NBAS: variants seen among roughly 807,000 people sequenced by gnomAD.
NBAS encodes NBAS subunit of NRZ tethering complex.
A neutral mutation model predicts 302.5 loss-of-function variants in NBAS; 219 were observed. The ratio of observed to expected loss-of-function variants is 0.72; its 90% confidence interval spans 0.65 to 0.81. The LOEUF (loss-of-function observed/expected upper bound fraction) is 0.81. Among genes scored for constraint, NBAS ranks in the 30% least tolerant of loss-of-function variants. The pLI is 0.00. For missense variants in NBAS, 2,932 were observed against 2,841.6 expected (o/e 1.03, Z -0.72); for synonymous variants, 1,118 against 1,021.6 (o/e 1.09, Z -1.80).
chr2:15,266,177 T>A (rs894626986), intron 44 of NBAS, among the ~76,000 whole-genome samples: 2 of 152,204 alleles, frequency 1.3e-5, no homozygotes, highest in Non-Finnish European at 2.9e-5. Flanking sequence ...TCCTCCATGA[T>A]TGTAAGTTTC....
At chr2:15,058,371 C>A in the NBAS span, among the ~76,000 whole-genome samples, 1 of 152,262 alleles carries the variant, frequency 6.6e-6, no homozygotes, top group Non-Finnish European at 1.5e-5. Flanking sequence ...ATTGTCCAGT[C>A]CAAATTGGTG....
intron 25 of NBAS, among the ~76,000 whole-genome samples, chr2:15,409,949 A>G (rs1036217087): frequency 2.6e-5 from 4 of 152,194 alleles, no homozygotes; most frequent in Non-Finnish European, 5.9e-5. Flanking sequence ...CAGTTTTATC[A>G]CAGGTCACAG....
intron 21 of NBAS, among the ~76,000 whole-genome samples, chr2:15,429,080 A>G (rs971094784): frequency 7.3e-5 from 11 of 150,220 alleles, no homozygotes; most frequent in Admixed American, 2.0e-4. Flanking sequence ...AAGCAAGGTA[A>G]ACACAGTATG....
chr2:14,828,650 T>A, the NBAS span, among the ~76,000 whole-genome samples: 1 of 152,090 alleles, frequency 6.6e-6, no homozygotes, highest in Non-Finnish European at 1.5e-5. Context: ...AACAAGGTGA[T>A]GAGTTGGGAG....
At chr2:15,552,027 A>G (rs1051752765) in intron 5 of NBAS, among the ~76,000 whole-genome samples, 1 of 152,234 alleles carries the variant, frequency 6.6e-6, no homozygotes, top group African/African-American at 2.4e-5. Flanking sequence ...CCTATTTTAA[A>G]TCTGTGATCC....
chr2:15,517,663 C>G (rs547913517), intron 9 of NBAS, among the ~76,000 whole-genome samples: 1 of 151,108 alleles, frequency 6.6e-6, no homozygotes, highest in African/African-American at 2.5e-5. Flanking sequence ...ATCAATAAAC[C>G]TATTGTAAAT....
chr2:15,393,760 C>G (rs9710962), intron 28 of NBAS: 1 of 467,934 alleles, frequency 2.1e-6, no homozygotes, highest in Non-Finnish European at 4.4e-6. Flanking sequence ...AATACCATTC[C>G]GCAAACAAAA....
Position 15,387,158 on chromosome 2 carries a change from C to T in NBAS, c.3258-3841G>A, listed in dbSNP as rs1675340988. On this transcript the variant is annotated intron_variant, in intron 28 of 51. Transcript: ENST00000281513. The stretch of plus-strand genomic sequence containing the variant: ...TCTCAGCTCATTGCAAGCTCTGCCT[C>T]CCGGGTTCACGCCATTCTCCTGCCT... 1.3e-5 allele frequency among the ~76,000 whole-genome samples: 2 copies of T among 150,562 alleles called. 1 individual carries two copies. The highest frequency in any genetic ancestry group is 2.9e-5 in the Non-Finnish European group (2 of 67,898).
chr2:15,295,819 C>T (rs1052536439), intron 40 of NBAS, among the ~76,000 whole-genome samples: 12 of 152,090 alleles, frequency 7.9e-5, no homozygotes, highest in Admixed American at 5.9e-4. Context: ...GTTGATATTG[C>T]AGCTTCCCCA....
At chr2:15,219,126 C>A (rs1329736654) in intron 47 of NBAS, among the ~76,000 whole-genome samples, 158 bp from the exon 48 acceptor site, 1 of 152,054 alleles carries the variant, frequency 6.6e-6, no homozygotes, top group Non-Finnish European at 1.5e-5. Flanking sequence ...TGGCTTACAG[C>A]GAACTGTATT....
At chr2:15,454,801 CT>C (rs1558355216) in intron 21 of NBAS, among the ~76,000 whole-genome samples, 1 of 152,174 alleles carries the variant, frequency 6.6e-6, no homozygotes, top group African/African-American at 2.4e-5. Context: ...TCTTCTGATA[CT>C]CACCTTCCAT....
chr2:14,810,208 T>A, the NBAS span, among the ~76,000 whole-genome samples: 14 of 152,290 alleles, frequency 9.2e-5, no homozygotes, highest in Non-Finnish European at 1.8e-4. Flanking sequence ...CACAATTGGT[T>A]GTGAAATGTG....
intron 27 of NBAS, among the ~76,000 whole-genome samples, chr2:15,395,350 C>T (rs1192730554): frequency 6.6e-6 from 1 of 152,114 alleles, no homozygotes; most frequent in Non-Finnish European, 1.5e-5. Flanking sequence ...CTCAACCCAA[C>T]AAACCTTAGT....
chr2:15,461,934 A>C (rs1679523874), intron 19 of NBAS, 143 bp from the exon 20 acceptor site: 1 of 617,602 alleles, frequency 1.6e-6, no homozygotes, highest in Non-Finnish European at 2.9e-6. Context: ...ATTGTTAACT[A>C]AAGTACTACA....
the NBAS span, among the ~76,000 whole-genome samples, chr2:14,833,927 T>C: frequency 4.6e-5 from 7 of 152,174 alleles, no homozygotes; most frequent in Non-Finnish European, 1.0e-4. Flanking sequence ...TCCACATATA[T>C]GAAGGACTAT....
At chr2:15,241,014 A>C (rs1667845136) in intron 44 of NBAS, among the ~76,000 whole-genome samples, 1 of 152,130 alleles carries the variant, frequency 6.6e-6, no homozygotes, top group African/African-American at 2.4e-5. Context: ...GAGAAGAGTA[A>C]AAACTGGAAT....
rs1267578840 is a variant in NBAS at position 15,300,988 on chromosome 2, C to A, written c.4797+7228G>T. 2.0e-5 allele frequency among the ~76,000 whole-genome samples: 3 copies of A among 152,168 alleles called. No individual in the cohort carries two copies. In the East Asian group the frequency reaches 5.8e-4, roughly 29 times the overall value. ...ACATAAGCTTCAAAAGAAGCAGTGT[C>A]AGGAAGCACGGCTGGAGGGGTAAGG... is the stretch of plus-strand genomic sequence containing the variant. On this transcript the variant is annotated intron_variant, in intron 40 of 51. Transcript: ENST00000281513.
chr2:15,204,386 T>C (rs1666040397), intron 48 of NBAS, among the ~76,000 whole-genome samples: 1 of 152,120 alleles, frequency 6.6e-6, no homozygotes, highest in Non-Finnish European at 1.5e-5. Context: ...TACTCCAGGA[T>C]TGAGCAAATA....
intron 35 of NBAS, among the ~76,000 whole-genome samples, chr2:15,331,300 T>C (rs984149852): frequency 6.6e-6 from 1 of 152,212 alleles, no homozygotes; most frequent in Non-Finnish European, 1.5e-5. Flanking sequence ...CGGTACCTCC[T>C]GCCAATCTTG....
Sources: allele counts gnomAD v4.1 joint callset (sites outside exome capture counted in the v4.1 genomes callset), GRCh38; gene constraint gnomAD v4.1.1; transcripts MANE v1.5; gene names NCBI Gene and HGNC (gene_info 2026-07-23, HGNC 2026-07-21).